Variants in PTPRO observed in about 807,000 individuals in gnomAD.
The protein encoded by PTPRO is receptor-type tyrosine-protein phosphatase O.
PTPRO carries 62 observed loss-of-function variants against 145.2 expected under a neutral mutation model. The ratio of observed to expected loss-of-function variants is 0.43; its 90% CI spans 0.35 to 0.53. The LOEUF (loss-of-function observed/expected upper bound fraction) is 0.53, where lower values mean the gene tolerates loss of function less well. PTPRO is among the 20% of genes least tolerant of loss of function. The pLI, the probability that PTPRO is intolerant of heterozygous loss-of-function variation, is 0.01. For missense variants in PTPRO, 1,345 were observed against 1,482.7 expected (o/e 0.91, Z 1.53); for synonymous variants, 565 against 514.7 (o/e 1.10, Z -1.32).
chr12:15,410,125 T>C (rs890710931), intron 1 of PTPRO, among the ~76,000 whole-genome samples: 3 of 151,866 alleles, frequency 2.0e-5, no homozygotes, highest in African/African-American at 7.3e-5. Context: ...GAATAAAAAG[T>C]TTTATAAATG....
intron 2 of PTPRO, among the ~76,000 whole-genome samples, chr12:15,491,208 C>T (rs1241499545): frequency 6.6e-6 from 1 of 152,174 alleles, no homozygotes; most frequent in African/African-American, 2.4e-5. Context: ...AATCCCAGAT[C>T]CTCTCCCTCA....
At chr12:15,478,313 G>C (rs1404025570) in intron 1 of PTPRO, among the ~76,000 whole-genome samples, 2 of 152,100 alleles carry the variant, frequency 1.3e-5, no homozygotes, top group Non-Finnish European at 2.9e-5. Flanking sequence ...TCATATTAAG[G>C]ATACTGACAA....
At chr12:15,483,851 C>A in intron 1 of PTPRO, 123 bp from the exon 2 acceptor site, 1 of 1,033,596 alleles carries the variant, frequency 9.7e-7, no homozygotes, top group Non-Finnish European at 1.4e-6. Context: ...AGAAATAAGG[C>A]TTACCATAAA....
chr12:15,429,555 T>C (rs756144932), intron 1 of PTPRO, among the ~76,000 whole-genome samples: 3 of 152,124 alleles, frequency 2.0e-5, no homozygotes, highest in Non-Finnish European at 4.4e-5. Flanking sequence ...ATAATCCAGT[T>C]AAGAAACTGA....
At chr12:15,353,713 G>A (rs549816471) in intron 1 of PTPRO, among the ~76,000 whole-genome samples, 1 of 152,126 alleles carries the variant, frequency 6.6e-6, no homozygotes, top group African/African-American at 2.4e-5. Context: ...TGGCTATCTG[G>A]TATGTCAACA....
intron 1 of PTPRO, among the ~76,000 whole-genome samples, chr12:15,363,694 A>G (rs563827024): frequency 1.3e-5 from 2 of 152,280 alleles, no homozygotes; most frequent in South Asian, 4.1e-4. Flanking sequence ...CATGGTACAT[A>G]AGTAAAAGCA....
At position 15,322,839 on chromosome 12, in the gene PTPRO, G is replaced by C; in HGVS notation, c.75+38G>C. ...CTCCACCCCTTTTTCCCAGCGGTCC[G>C]GGCGGCAGCCGCGCTCCGGCGCCCT... On this transcript the variant is annotated intron_variant, in intron 1 of 26. Transcript: ENST00000281171. This position sits in a 1 kb window ranked among gnomAD's most constrained non-coding sequence, Gnocchi z 6.3. 1 of 1,593,088 alleles carries C rather than the reference G, an allele frequency of 6.3e-7. No homozygotes were observed. Among genetic ancestry groups the C allele is most frequent in the Non-Finnish European group, 8.6e-7 (1 of 1,169,456 alleles).
chr12:15,516,623 A>AAGGG, intron 8 of PTPRO, 140 bp from the exon 9 acceptor site: 1 of 655,864 alleles, frequency 1.5e-6, no homozygotes, highest in South Asian at 1.7e-5. Context: ...GGAAGGAAGG[A>AAGGG]AGGAAGGAAG....
At chr12:15,423,694 T>C (rs533029985) in intron 1 of PTPRO, among the ~76,000 whole-genome samples, 3 of 152,328 alleles carry the variant, frequency 2.0e-5, no homozygotes, top group African/African-American at 7.2e-5. Context: ...GCAATGACAT[T>C]TCAGGTTTGG....
Position 15,497,323 on chromosome 12 carries a change from A to G in PTPRO, c.428A>G (p.Tyr143Cys), listed in dbSNP as rs1942127324. The G allele has an allele frequency of 6.2e-7, 1 of 1,606,458 alleles. No homozygotes were observed. Among genetic ancestry groups the G allele is most frequent in the South Asian group, 1.1e-5 (1 of 90,898 alleles). Reference protein sequence around the residue: ...PETGVLFEIHYPEKYNVFTRV... With the variant: ...PETGVLFEIHCPEKYNVFTRV... ...ACAGGAGTCCTGTTTGAAATACATT[A>G]TCCAGAAAAATATAACGTTTTCACA... Residue 143 changes from tyrosine (Y) to cysteine (C), a missense_variant, in exon 3 of 27, where the codon TAT becomes TGT. By Grantham distance (194) the Tyr-to-Cys change is radical. This residue lies in a region of PTPRO where 1,130 missense variants were observed against 1,214.7 expected (regional missense o/e 0.93). Transcript: ENST00000281171.
At chr12:15,344,378 T>A (rs927292456) in intron 1 of PTPRO, among the ~76,000 whole-genome samples, 1 of 152,216 alleles carries the variant, frequency 6.6e-6, no homozygotes, top group Non-Finnish European at 1.5e-5. Context: ...TAATTCTGGA[T>A]AGCCAAATTC....
Position 15,484,168 on chromosome 12 carries a change from C to A in PTPRO, c.270C>A (p.Gly90=), listed in dbSNP as rs777969246. 5.0e-6 allele frequency: 8 copies of A among 1,613,606 alleles called. No homozygotes were observed. The highest frequency in any genetic ancestry group is 6.8e-6 in the Non-Finnish European group (8 of 1,179,686). ...PPVIFKASYH[G]LYYIITLVVV... is the part of the protein sequence containing the mutation. The stretch of plus-strand genomic sequence containing the variant: ...TTATTTTCAAGGCCAGTTATCATGG[C>A]CTTTATTATATAATCACTCTGGTAG... The change falls in exon 2 of 27, where the codon GGC becomes GGA. Residue 90 remains glycine, a synonymous_variant. Transcript: ENST00000281171.
At chr12:15,325,819 G>A (rs577808911) in intron 1 of PTPRO, among the ~76,000 whole-genome samples, 6 of 152,312 alleles carry the variant, frequency 3.9e-5, no homozygotes, top group African/African-American at 1.4e-4. Flanking sequence ...GGAATTTGAA[G>A]TTGGCCTTCC....
intron 3 of PTPRO, among the ~76,000 whole-genome samples, chr12:15,498,166 C>T (rs1021100536): frequency 1.3e-5 from 2 of 152,150 alleles, no homozygotes; most frequent in African/African-American, 4.8e-5. Context: ...TTGAAGCACA[C>T]AGAGCATGAC....
chr12:15,534,550 C>G (rs1943028753), intron 12 of PTPRO, among the ~76,000 whole-genome samples: 1 of 152,036 alleles, frequency 6.6e-6, no homozygotes, highest in Non-Finnish European at 1.5e-5. Flanking sequence ...TGCTCTACAA[C>G]AGGGAAATGT....
Position 15,493,216 on chromosome 12 carries a change from C to A in PTPRO, c.350-4029C>A, listed in dbSNP as rs1020127122. On this transcript the variant is annotated intron_variant, in intron 2 of 26. Coordinates refer to ENST00000281171, the MANE Select transcript of PTPRO (RefSeq NM_030667.3). The stretch of plus-strand genomic sequence containing the variant: ...CATCTTCAAAGTACTGAGGAAAATA[C>A]CTGTCTACCTAGAATTTTATACCCA... 3.9e-5 allele frequency among the ~76,000 whole-genome samples: 6 copies of A among 152,122 alleles called. No homozygotes were observed. The East Asian group carries it at 9.6e-4, about 24-fold the overall frequency.
chr12:15,442,668 C>G (rs1441733804), intron 1 of PTPRO, among the ~76,000 whole-genome samples: 1 of 151,998 alleles, frequency 6.6e-6, no homozygotes, highest in Non-Finnish European at 1.5e-5. Flanking sequence ...AATCAATGTA[C>G]AAAAATTAGT....
In PTPRO at chr12:15,582,466, A is replaced by G. The variant is rs1321628183; in HGVS notation, c.3255+665A>G. Among the ~76,000 whole-genome samples the G allele has an allele frequency of 2.6e-5, 4 of 152,318 alleles. No homozygotes were observed. The South Asian group carries it at 8.3e-4, about 32-fold the overall frequency. The stretch of plus-strand genomic sequence containing the variant: ...GTCATTGTTTCCCATTTCATCAGTG[A>G]TGGTGTGGATGATATGGTTGGTCTG... On this transcript the variant is annotated intron_variant, in intron 23 of 26. Transcript: ENST00000281171.
At chr12:15,572,108 T>A (rs956533580) in intron 19 of PTPRO, among the ~76,000 whole-genome samples, 1 of 152,182 alleles carries the variant, frequency 6.6e-6, no homozygotes, top group African/African-American at 2.4e-5. Context: ...CTAAAAAATA[T>A]GTTTTTTTCT....
Sources: allele counts gnomAD v4.1 joint callset (sites outside exome capture counted in the v4.1 genomes callset), GRCh38; gene constraint gnomAD v4.1.1; regional missense constraint gnomAD v4.1.1; non-coding constraint Gnocchi (gnomAD v3.1); transcripts MANE v1.5; gene names NCBI Gene and HGNC (gene_info 2026-07-23, HGNC 2026-07-21).